The following ADGRD1 variants were observed in gnomAD, a reference collection of about 807,000 sequenced individuals.
The protein encoded by ADGRD1 is adhesion G protein-coupled receptor D1.
In ADGRD1, 77 loss-of-function variants were observed where a neutral mutation model predicts 113.4. That is an observed-to-expected ratio of 0.68 (90% CI 0.57 to 0.82). ADGRD1 has a LOEUF of 0.82. ADGRD1 is among the 40% of genes least tolerant of loss of function. The pLI, the probability that ADGRD1 is intolerant of heterozygous loss-of-function variation, is 0.00. For synonymous variants in ADGRD1, 474 were observed against 475.0 expected (o/e 1.00, Z 0.03); for missense variants, 1,036 against 1,139.1 (o/e 0.91, Z 1.30).
chr12:130,978,544 T>C (rs1872590949), intron 4 of ADGRD1: 1 of 152,172 alleles, frequency 6.6e-6, no homozygotes, highest in African/African-American at 2.4e-5. Context: ...GGAAGGCACA[T>C]TGTGAATTTG....
intron 12 of ADGRD1, among the ~76,000 whole-genome samples, chr12:131,008,197 T>A (rs1040605018): frequency 5.3e-5 from 8 of 152,276 alleles, no homozygotes; most frequent in African/African-American, 1.9e-4. Context: ...TGTGATTTTG[T>A]AAGCTGATTG....
At chr12:131,072,594 T>C (rs1012077938) in intron 13 of ADGRD1, among the ~76,000 whole-genome samples, 3 of 152,172 alleles carry the variant, frequency 2.0e-5, no homozygotes, top group African/African-American at 7.2e-5. Flanking sequence ...GACGTGCACA[T>C]GTCAGCACCA....
intron 13 of ADGRD1, among the ~76,000 whole-genome samples, chr12:131,040,860 T>C (rs533947497): frequency 6.6e-6 from 1 of 152,360 alleles, no homozygotes; most frequent in South Asian, 2.1e-4. Context: ...ACCCAAACAC[T>C]GTTTCAGTTT....
rs116261052 is a variant in ADGRD1 at position 131,096,751 on chromosome 12, C to T, written c.1672-8080C>T. ...GGGCACTGCCAGTCCAGGTTTACAT[C>T]GCCACAACTGTTTAAAGCAGCCATC... On this transcript the variant is annotated intron_variant, in intron 15 of 24. Transcript: ENST00000261654. The surrounding 1 kb of genome is among the most constrained non-coding windows in gnomAD (Gnocchi z 5.2). Among the ~76,000 whole-genome samples the T allele has an allele frequency of 9.3e-3, 1,414 of 152,306 alleles. 17 individuals carry two copies. Among genetic ancestry groups the T allele is most frequent in the African/African-American group, 0.032 (1,340 of 41,546 alleles).
chr12:130,998,892 A>G (rs1875964949), intron 8 of ADGRD1, among the ~76,000 whole-genome samples: 2 of 152,338 alleles, frequency 1.3e-5, no homozygotes, highest in African/African-American at 4.8e-5. Flanking sequence ...GGCTCGTCCA[A>G]CTAGAGATGT....
intron 8 of ADGRD1, among the ~76,000 whole-genome samples, chr12:131,000,115 C>G (rs75673855): frequency 0.014 from 2,085 of 152,340 alleles, 28 homozygotes; most frequent in Middle Eastern, 0.037. Flanking sequence ...GCTAGGGCCC[C>G]TGCCGTCACT....
rs1442421096 is a variant in ADGRD1 at position 131,057,927 on chromosome 12, C to T, written c.1474-18874C>T. On this transcript the variant is annotated intron_variant, in intron 13 of 24. Transcript: ENST00000261654. This position sits in a 1 kb window ranked among gnomAD's most constrained non-coding sequence, Gnocchi z 4.2. The stretch of plus-strand genomic sequence containing the variant: ...ACCGCAGCCGTCTTCGTGCTCATCT[C>T]GCTTCTTTCTTGTTCATGTTTTTCC... Among the ~76,000 whole-genome samples the T allele has an allele frequency of 6.6e-6, 1 of 152,174 alleles. No homozygotes were observed. The highest frequency in any genetic ancestry group is 2.4e-5 in the African/African-American group (1 of 41,424).
chr12:131,039,822 A>C (rs1210536816), intron 13 of ADGRD1, among the ~76,000 whole-genome samples: 1 of 152,260 alleles, frequency 6.6e-6, no homozygotes, highest in Non-Finnish European at 1.5e-5. Flanking sequence ...TTACTTGCAG[A>C]CATTTCAAAG....
At chr12:131,018,797 C>T (rs966887829) in intron 13 of ADGRD1, among the ~76,000 whole-genome samples, 5 of 152,194 alleles carry the variant, frequency 3.3e-5, no homozygotes, top group African/African-American at 4.8e-5. Flanking sequence ...AAAGCACAGC[C>T]GTTTCATTTC....
chr12:131,138,746 C>G (rs1951171835), intron 24 of ADGRD1, among the ~76,000 whole-genome samples: 1 of 152,258 alleles, frequency 6.6e-6, no homozygotes, highest in Non-Finnish European at 1.5e-5. Context: ...GGGACCACGT[C>G]TGCCCTGCTC....
At chr12:131,010,909 G>A (rs888216470) in intron 12 of ADGRD1, among the ~76,000 whole-genome samples, 1 of 152,168 alleles carries the variant, frequency 6.6e-6, no homozygotes, top group Admixed American at 6.5e-5. Flanking sequence ...GGTAGGCTGA[G>A]GGAAAAGAAT....
intron 15 of ADGRD1, among the ~76,000 whole-genome samples, chr12:131,097,588 A>C (rs1887381626): frequency 6.6e-6 from 1 of 152,168 alleles, no homozygotes; most frequent in African/African-American, 2.4e-5. Flanking sequence ...CAAACCAGGG[A>C]TGCCTGGAGT....
chr12:131,031,275 C>T (rs1407294359), intron 13 of ADGRD1, among the ~76,000 whole-genome samples: 1 of 152,236 alleles, frequency 6.6e-6, no homozygotes, highest in Non-Finnish European at 1.5e-5. Flanking sequence ...GCCTTGGGTA[C>T]TGCGTGCTGC....
intron 13 of ADGRD1, among the ~76,000 whole-genome samples, chr12:131,046,170 T>TCCC: frequency 7.6e-6 from 1 of 131,078 alleles, no homozygotes; most frequent in Admixed American, 7.7e-5. Flanking sequence ...GTCAGTGTCC[T>TCCC]TCCTGGTCAA....
chr12:131,064,398 G>A (rs971057164), intron 13 of ADGRD1, among the ~76,000 whole-genome samples: 4 of 152,146 alleles, frequency 2.6e-5, no homozygotes, highest in African/African-American at 9.7e-5. Context: ...TTTCTGCCTC[G>A]ATATGATCAT....
intron 15 of ADGRD1, among the ~76,000 whole-genome samples, chr12:131,095,316 C>T (rs963388692): frequency 2.0e-5 from 3 of 152,256 alleles, no homozygotes; most frequent in Non-Finnish European, 2.9e-5. Context: ...GAGGGTTCCA[C>T]CCCTGCCCCT....
chr12:131,019,390 C>T (rs1374332261), intron 13 of ADGRD1, among the ~76,000 whole-genome samples: 1 of 152,222 alleles, frequency 6.6e-6, no homozygotes, highest in Non-Finnish European at 1.5e-5. Context: ...CCTGGGACGC[C>T]AGGGGTTTTC....
intron 15 of ADGRD1, among the ~76,000 whole-genome samples, chr12:131,103,996 G>A (rs976784346): frequency 1.1e-4 from 16 of 152,226 alleles, no homozygotes; most frequent in African/African-American, 3.4e-4. Flanking sequence ...CTTCAGAACC[G>A]AGGGGGCGCC....
At chr12:131,138,304 T>C in intron 24 of ADGRD1, 75 bp downstream of exon 24, 1 of 1,278,762 alleles carries the variant, frequency 7.8e-7, no homozygotes, top group South Asian at 1.2e-5. Context: ...CAGGATGGGG[T>C]GTGCAGGCAG....
Sources: allele counts gnomAD v4.1 joint callset (sites outside exome capture counted in the v4.1 genomes callset), GRCh38; gene constraint gnomAD v4.1.1; non-coding constraint Gnocchi (gnomAD v3.1); transcripts MANE v1.5; gene names NCBI Gene and HGNC (gene_info 2026-07-23, HGNC 2026-07-21).